ME1: variants seen among roughly 807,000 people sequenced by gnomAD.
ME1 encodes malic enzyme 1.
A neutral mutation model predicts 66.4 loss-of-function variants in ME1; 74 were observed. That is an observed-to-expected ratio of 1.11 (90% CI 0.92 to 1.35). The LOEUF (loss-of-function observed/expected upper bound fraction) is 1.35, where lower values mean the gene tolerates loss of function less well. Among genes scored for constraint, ME1 ranks in the 40% most tolerant of loss-of-function variants. ME1 has a pLI of 0.00. For missense variants in ME1, 750 were observed against 694.1 expected (o/e 1.08, Z -0.90); for synonymous variants, 251 against 235.6 (o/e 1.07, Z -0.60).
At chr6:83,362,728 AC>A (rs1335973364) in intron 3 of ME1, among the ~76,000 whole-genome samples, 1 of 152,206 alleles carries the variant, frequency 6.6e-6, no homozygotes, top group African/African-American at 2.4e-5. Flanking sequence ...TGGAATAGAC[AC>A]TTACTTTGGA....
At chr6:83,257,476 T>C (rs1038387237) in intron 6 of ME1, among the ~76,000 whole-genome samples, 1 of 152,084 alleles carries the variant, frequency 6.6e-6, no homozygotes, top group Non-Finnish European at 1.5e-5. Flanking sequence ...ACAAAATATT[T>C]AAAACAACCA....
chr6:83,364,842 G>A (rs531481709), intron 3 of ME1, among the ~76,000 whole-genome samples: 14 of 152,194 alleles, frequency 9.2e-5, no homozygotes, highest in African/African-American at 2.9e-4. Context: ...CTTATAGTGA[G>A]AAACCTAGCT....
At chr6:83,334,007 G>A (rs1360791927) in intron 5 of ME1, among the ~76,000 whole-genome samples, 3 of 151,916 alleles carry the variant, frequency 2.0e-5, no homozygotes, top group South Asian at 2.1e-4. Flanking sequence ...AGCTCCCAGC[G>A]TGAGCGACGC....
chr6:83,306,629 G>A (rs1217075851), intron 6 of ME1, among the ~76,000 whole-genome samples: 2 of 152,038 alleles, frequency 1.3e-5, no homozygotes, highest in African/African-American at 4.8e-5. Flanking sequence ...GGAAAACTGT[G>A]TCTTTCTCTA....
intron 1 of ME1, among the ~76,000 whole-genome samples, chr6:83,427,000 A>T (rs16885275): frequency 1.2e-3 from 186 of 152,338 alleles, no homozygotes; most frequent in African/African-American, 4.3e-3. Flanking sequence ...AGGGCAATTT[A>T]TGAAATATTA....
At chr6:83,374,678 T>G (rs768472845) in intron 3 of ME1, among the ~76,000 whole-genome samples, 88 of 152,370 alleles carry the variant, frequency 5.8e-4, no homozygotes, top group Middle Eastern at 3.4e-3. Flanking sequence ...CACATGCCTA[T>G]GTCCTGAATG....
chr6:83,414,457 A>T (rs977233833), intron 1 of ME1, among the ~76,000 whole-genome samples: 8 of 152,136 alleles, frequency 5.3e-5, no homozygotes, highest in Non-Finnish European at 8.8e-5. Flanking sequence ...AATATATCTA[A>T]AATATATTCA....
At chr6:83,411,975 C>T (rs1019818368) in intron 1 of ME1, among the ~76,000 whole-genome samples, 3 of 152,128 alleles carry the variant, frequency 2.0e-5, no homozygotes, top group Non-Finnish European at 2.9e-5. Flanking sequence ...TGCTAATTAA[C>T]CTATGTATAT....
chr6:83,287,796 CACA>C (rs1767424910), intron 6 of ME1, among the ~76,000 whole-genome samples: 1 of 152,104 alleles, frequency 6.6e-6, no homozygotes, highest in Admixed American at 6.5e-5. Context: ...CCTATTTTTC[CACA>C]ACCTCTCCAG....
chr6:83,402,774 G>A (rs1769861579), intron 2 of ME1, among the ~76,000 whole-genome samples: 1 of 152,144 alleles, frequency 6.6e-6, no homozygotes, highest in Admixed American at 6.5e-5. Context: ...ACCCTCACCA[G>A]GTAAAGAACC....
chr6:83,246,010 TTTTC>T (rs1249486973), intron 7 of ME1, among the ~76,000 whole-genome samples: 1 of 152,278 alleles, frequency 6.6e-6, no homozygotes, highest in East Asian at 1.9e-4. Flanking sequence ...CAGAATGCTA[TTTTC>T]TTTCTTTCTT....
rs73749795 is a variant in ME1 at position 83,352,097 on chromosome 6, T to A, written c.405A>T (p.Ser135=). 3,029 of 1,594,044 alleles carry A rather than the reference T, an allele frequency of 1.9e-3. 47 individuals are homozygous for A. In the African/African-American group the frequency reaches 0.036, roughly 19 times the overall value. The change falls in exon 4 of 14, where the codon TCA becomes TCT. Residue 135 remains serine, a synonymous_variant. Coordinates refer to ENST00000369705, the MANE Select transcript of ME1 (RefSeq NM_002395.6). ...CATCTTCTGGCCATGCATTGAGAAC[T>A]GAAGCAATATGCCCTCGATCGTGGA... The part of the protein sequence containing the change: ...ITIHDRGHIA[S]VLNAWPEDVI...
At chr6:83,384,674 A>G (rs969590475) in intron 3 of ME1, among the ~76,000 whole-genome samples, 1 of 151,426 alleles carries the variant, frequency 6.6e-6, no homozygotes, top group Non-Finnish European at 1.5e-5. Flanking sequence ...TTTTTGTTGC[A>G]GTTGCTTTTG....
intron 13 of ME1, among the ~76,000 whole-genome samples, chr6:83,214,517 AATT>A (rs752497179): frequency 5.7e-4 from 87 of 152,228 alleles, no homozygotes; most frequent in Admixed American, 1.8e-3. Context: ...TCTCTTTCCT[AATT>A]ATTGACATGC....
intron 6 of ME1, among the ~76,000 whole-genome samples, chr6:83,304,211 T>C (rs1416331945): frequency 6.6e-6 from 1 of 152,108 alleles, no homozygotes; most frequent in African/African-American, 2.4e-5. Context: ...ACAAATGTAG[T>C]AGTTGGTGGA....
chr6:83,420,958 T>C (rs115757802), intron 1 of ME1, among the ~76,000 whole-genome samples: 4,541 of 152,026 alleles, frequency 0.03, 221 homozygotes, highest in African/African-American at 0.1. Context: ...TTTTAAGTAG[T>C]GGACAGTTTA....
chr6:83,364,295 A>G (rs1769058831), intron 3 of ME1, among the ~76,000 whole-genome samples: 1 of 152,098 alleles, frequency 6.6e-6, no homozygotes, highest in Non-Finnish European at 1.5e-5. Context: ...CAAGTTCTTC[A>G]GCTTTGGAAC....
chr6:83,309,835 G>A (rs1055070650), intron 6 of ME1, among the ~76,000 whole-genome samples: 4 of 152,068 alleles, frequency 2.6e-5, no homozygotes, highest in Non-Finnish European at 4.4e-5. Flanking sequence ...GGAAAACTAC[G>A]AAGGAACAAT....
chr6:83,259,627 G>T (rs958484725), intron 6 of ME1, among the ~76,000 whole-genome samples: 6 of 152,172 alleles, frequency 3.9e-5, no homozygotes, highest in Admixed American at 2.0e-4. Context: ...GTAATCCGAA[G>T]TTGACACAAA....
Sources: gnomAD v4.1 joint callset for allele counts (sites outside exome capture counted in the v4.1 genomes callset) on GRCh38, gnomAD v4.1.1 for gene constraint, MANE v1.5 for transcripts, NCBI Gene and HGNC (gene_info 2026-07-23, HGNC 2026-07-21) for gene names.